PLCXD1: variants seen among roughly 807,000 people sequenced by gnomAD.
PLCXD1 encodes phosphatidylinositol specific phospholipase C X domain containing 1.
In PLCXD1, 45 loss-of-function variants were observed where a neutral mutation model predicts 37.8. That is an observed-to-expected ratio of 1.19 (90% CI 0.94 to 1.53). PLCXD1 has a LOEUF of 1.53. PLCXD1 is among the 40% of genes most tolerant of loss of function. The pLI is 0.00. For synonymous variants in PLCXD1, 246 were observed against 206.9 expected, an observed-to-expected ratio of 1.19 and a Z score of -1.62; for missense variants, 539 against 454.7, an observed-to-expected ratio of 1.19 and a Z score of -1.69.
chrX:289,143 A>T (rs1481133038), intron 3 of PLCXD1, among the ~76,000 whole-genome samples: 5 of 152,144 alleles, frequency 3.3e-5, no homozygotes, highest in African/African-American at 9.7e-5. Flanking sequence ...GCTGGAGTGC[A>T]GTGGCGTGAT....
chrX:284,395 C>A, intron 2 of PLCXD1, 81 bp downstream of exon 2: 1 of 1,511,626 alleles, frequency 6.6e-7, no homozygotes, highest in Non-Finnish European at 9.1e-7. Context: ...CGTCTGCATT[C>A]CCCAGTGGGG....
At chrX:277,338 TTGGGGAA>T (rs1569564303), upstream of PLCXD1, among the ~76,000 whole-genome samples, 3 of 26,468 alleles carry the variant, frequency 1.1e-4, no homozygotes, top group East Asian at 9.1e-4. Flanking sequence ...AGGGGAGGGG[TTGGGGAA>T]CGTGGGGACA....
chrX:286,270 G>C (rs182832298), intron 2 of PLCXD1, among the ~76,000 whole-genome samples: 13 of 152,160 alleles, frequency 8.5e-5, no homozygotes, highest in African/African-American at 3.1e-4. Flanking sequence ...TCACCATGTT[G>C]GTCAAGCTGG....
chrX:284,261 C>T lies in PLCXD1; in HGVS notation c.74C>T (p.Ser25Leu), dbSNP rs753130855. ...AGAAATGCCAACGAGGACTGGATGT[C>T]GGCACTGTGTCCCCGGCTCTGGGAT... ...HCRNANEDWM[S>L]ALCPRLWDVP... The change falls in exon 2 of 7, where the codon TCG (serine) becomes TTG (leucine). Residue 25 changes from serine (S) to leucine (L), a missense_variant. Transcript: ENST00000381657. 5 of 1,613,100 alleles carry T rather than the reference C, an allele frequency of 3.1e-6. No homozygotes were observed. The Admixed American group carries it at 5.0e-5, about 16-fold the overall frequency.
At chrX:292,143 T>C (rs1164365228) in intron 5 of PLCXD1, among the ~76,000 whole-genome samples, 1 of 136,832 alleles carries the variant, frequency 7.3e-6, no homozygotes, top group Non-Finnish European at 1.5e-5. Flanking sequence ...CTACTAAAAA[T>C]ACCAAAATTA....
chrX:289,534 A>C (rs2069561871), intron 3 of PLCXD1, among the ~76,000 whole-genome samples: 1 of 104,970 alleles, frequency 9.5e-6, no homozygotes, highest in Admixed American at 9.9e-5. Context: ...TTTTTTTGAG[A>C]CGGAGTCTCA....
In PLCXD1 at chrX:289,333, C is replaced by T. The variant is rs1233116090; in HGVS notation, c.264+464C>T. The stretch of plus-strand genomic sequence containing the variant: ...TGATCTCCTGACCTCATGATCTGCC[C>T]GCCCCAGCCTCCGAAAGTGCTGGGA... On this transcript the variant is annotated intron_variant, in intron 3 of 6. Coordinates refer to ENST00000381657, the MANE Select transcript of PLCXD1 (RefSeq NM_018390.4). 5.9e-5 allele frequency among the ~76,000 whole-genome samples: 9 copies of T among 151,918 alleles called. No individual in the cohort carries two copies. The East Asian group carries it at 9.7e-4, about 16-fold the overall frequency.
chrX:278,198 G>A (rs1298278688), upstream of PLCXD1, among the ~76,000 whole-genome samples: 5 of 148,094 alleles, frequency 3.4e-5, no homozygotes, highest in Admixed American at 2.0e-4. Context: ...GGGGACAGGA[G>A]GGGACACCCC....
At chrX:298,392 TTCTG>T (rs1183995249) in intron 6 of PLCXD1, among the ~76,000 whole-genome samples, 4 of 13,700 alleles carry the variant, frequency 2.9e-4, no homozygotes, top group African/African-American at 5.3e-4. Context: ...GGGGACATTA[TTCTG>T]TCTATCACAT....
At chrX:296,837 A>T (rs868298956) in intron 6 of PLCXD1, among the ~76,000 whole-genome samples, 357 of 134,494 alleles carry the variant, frequency 2.7e-3, no homozygotes, top group African/African-American at 0.011. Flanking sequence ...TGTCTACCTC[A>T]TGGGGATTAG....
Position 299,466 on chromosome X carries a change from A to G in PLCXD1, c.*131A>G. The G allele has an allele frequency of 1.3e-6, 1 of 757,688 alleles. No individual in the cohort carries two copies. 46.9% of individuals were successfully genotyped at this position (757,688 alleles called of 1,614,324 possible). A position where few individuals can be genotyped will look rare whatever the true frequency, so the allele number is the denominator to read the frequency against. ...ATAATACGTTTTCATTTTCTTTAAAATAGAGATGGGGTGGCTGGGCGTGGT... is the reference window on the plus strand; with the variant it reads ...ATAATACGTTTTCATTTTCTTTAAAGTAGAGATGGGGTGGCTGGGCGTGGT... On this transcript the variant is annotated 3_prime_UTR_variant, in exon 7 of 7. Transcript: ENST00000381657.
intron 1 of PLCXD1, among the ~76,000 whole-genome samples, chrX:282,904 TTATA>T (rs1251196221): frequency 6.9e-6 from 1 of 144,786 alleles, no homozygotes; most frequent in African/African-American, 2.5e-5. Flanking sequence ...TATGTCTATA[TTATA>T]TATGTATATA....
rs981301484 is a variant in PLCXD1 at position 291,758 on chromosome X, G to A, written c.549+104G>A. 2.4e-5 allele frequency: 32 copies of A among 1,311,912 alleles called. No individual in the cohort carries two copies. In the East Asian group the frequency reaches 3.0e-4, roughly 12 times the overall value. 81.3% of individuals were successfully genotyped at this position (1,311,912 alleles called of 1,614,324 possible). On this transcript the variant is annotated intron_variant, in intron 5 of 6. Transcript: ENST00000381657. ...GGGTGTGGGTGCTGCCATGATTCCT[G>A]TAGCAGGTGAAGCCGTCGAACGGGG... is the stretch of plus-strand genomic sequence containing the variant.
chrX:278,309 C>T (rs935927187), upstream of PLCXD1, among the ~76,000 whole-genome samples: 5 of 152,100 alleles, frequency 3.3e-5, no homozygotes, highest in South Asian at 4.1e-4. Flanking sequence ...TGACAGTAGC[C>T]GGAATGGATG....
chrX:287,016 G>T, intron 2 of PLCXD1, among the ~76,000 whole-genome samples: 1 of 151,798 alleles, frequency 6.6e-6, no homozygotes, highest in East Asian at 1.9e-4. Flanking sequence ...GGGGCTTCAC[G>T]TTCCTCAGGG....
In PLCXD1 at chrX:299,483, G is replaced by A. The variant is rs1389641809; in HGVS notation, c.*148G>A. On this transcript the variant is annotated 3_prime_UTR_variant, in exon 7 of 7. Coordinates refer to ENST00000381657, the MANE Select transcript of PLCXD1 (RefSeq NM_018390.4). ...TCTTTAAAATAGAGATGGGGTGGCTGGGCGTGGTGACTTCGCCTGTCTTCC... is the reference window on the plus strand; with the variant it reads ...TCTTTAAAATAGAGATGGGGTGGCTAGGCGTGGTGACTTCGCCTGTCTTCC... 3 of 690,590 alleles carry A rather than the reference G, an allele frequency of 4.3e-6. No individual in the cohort carries two copies. Among genetic ancestry groups the A allele is most frequent in the Non-Finnish European group, 7.6e-6 (3 of 396,106 alleles). The allele number at this position is 690,590 out of a possible 1,614,324, so 42.8% of individuals were successfully genotyped here.
chrX:287,876 C>T (rs1348616465), intron 2 of PLCXD1, among the ~76,000 whole-genome samples: 1 of 151,962 alleles, frequency 6.6e-6, no homozygotes, highest in Admixed American at 6.6e-5. Context: ...GTTACCATAA[C>T]AAGTGAGCAC....
At position 290,662 on chromosome X, in the gene PLCXD1, A is replaced by G; in HGVS notation, c.279A>G (p.Thr93=). The G allele has an allele frequency of 1.2e-6, 2 of 1,613,812 alleles. No individual in the cohort carries two copies. Among genetic ancestry groups the G allele is most frequent in the Non-Finnish European group, 1.7e-6 (2 of 1,179,796 alleles). ...TCTGTCCACAGGCACTGGACGTCAC[A>G]GAGCAGCTGGATGCCGGGGTGCGGT... ...KWSVTQALDV[T]EQLDAGVRYL... The change falls in exon 4 of 7, where the codon ACA becomes ACG. Residue 93 remains threonine (T), a synonymous_variant. Transcript: ENST00000381657.
At chrX:281,306 T>G, upstream of PLCXD1, 1 of 165,142 alleles carries the variant, frequency 6.1e-6, no homozygotes, top group South Asian at 1.3e-4. Context: ...TCCCCCGGGC[T>G]GATAAAGAAT....
Sources: allele counts gnomAD v4.1 joint callset (sites outside exome capture counted in the v4.1 genomes callset), GRCh38; gene constraint gnomAD v4.1.1; transcripts MANE v1.5; gene names NCBI Gene and HGNC (gene_info 2026-07-23, HGNC 2026-07-21).